Variants in RERE observed in about 807,000 individuals in gnomAD.
RERE encodes the protein arginine-glutamic acid dipeptide repeats protein.
Under a neutral mutation model 146.1 loss-of-function variants are expected in RERE, and 40 were observed. That is an observed-to-expected ratio of 0.27 (90% confidence interval 0.21 to 0.36). The LOEUF is 0.36. Among genes scored for constraint, RERE ranks in the 10% least tolerant of loss-of-function variants. RERE has a pLI of 1.00. For missense variants in RERE, 1,933 were observed against 2,138.7 expected (o/e 0.90, Z 1.90); for synonymous variants, 1,003 against 866.0 (o/e 1.16, Z -2.78).
intron 4 of RERE, among the ~76,000 whole-genome samples, chr1:8,594,467 G>A (rs1377094241): frequency 6.6e-6 from 1 of 152,176 alleles, no homozygotes; most frequent in African/African-American, 2.4e-5. Context: ...CAGTGAGAAT[G>A]TACTGCATTT....
chr1:8,472,339 AC>A (rs1644700137), intron 10 of RERE, among the ~76,000 whole-genome samples: 1 of 152,232 alleles, frequency 6.6e-6, no homozygotes, highest in Non-Finnish European at 1.5e-5. Context: ...CAAATTCTAA[AC>A]ACCTGATCAC....
At chr1:8,691,892 G>C (rs1302846798) in intron 1 of RERE, among the ~76,000 whole-genome samples, 6 of 152,202 alleles carry the variant, frequency 3.9e-5, no homozygotes, top group African/African-American at 1.4e-4. Flanking sequence ...CCTCTAAGAA[G>C]TGCACAGTAC....
rs538675496 is a variant in RERE, at chr1:8,455,102, G to A, written c.1203+10823C>T. On this transcript the variant is annotated intron_variant, in intron 11 of 22. Coordinates refer to ENST00000400908, the MANE Select transcript of RERE (RefSeq NM_001042681.2). The stretch of plus-strand genomic sequence containing the variant: ...CCCCAGAGAGCTCAGGTGCCAGGAC[G>A]TCAGCAGCCCTCAGACAGCAGAGCC... Among the ~76,000 whole-genome samples the A allele has an allele frequency of 5.3e-5, 8 of 152,278 alleles. No homozygotes were observed. In the East Asian group the frequency reaches 5.8e-4, roughly 11 times the overall value.
In RERE at chr1:8,495,100, G is replaced by A. The variant is rs201459035; in HGVS notation, c.1067C>T (p.Ala356Val). The A allele has an allele frequency of 6.2e-7, 1 of 1,613,880 alleles. No individual in the cohort carries two copies. Among genetic ancestry groups the A allele is most frequent in the Non-Finnish European group, 8.5e-7 (1 of 1,179,818 alleles). The stretch of plus-strand genomic sequence containing the variant: ...ATTCAGAGTGGTGTCATCCCGAGAG[G>A]CTGCGACACAGCCGTCCTCTGTAGA... ...GGSTEDGCVAASRDDTTLNAL... is the reference protein window; with the variant it reads ...GGSTEDGCVAVSRDDTTLNAL... Residue 356 changes from alanine (A) to valine (V), a missense_variant, in exon 10 of 23, where the codon GCC (alanine) becomes GTC (valine). Physicochemically the swap from Ala to Val is moderately conservative, Grantham distance 64 (BLOSUM62 0). Around this residue, in one of 11 missense-constraint regions of RERE, gnomAD observed 260 missense variants for 378.4 expected, o/e 0.69. Coordinates refer to ENST00000400908, the MANE Select transcript of RERE (RefSeq NM_001042681.2).
chr1:8,597,605 CCT>C (rs1646570656), intron 4 of RERE, among the ~76,000 whole-genome samples: 1 of 152,136 alleles, frequency 6.6e-6, no homozygotes, highest in East Asian at 1.9e-4. Flanking sequence ...CTAAGAACCC[CCT>C]GTCCTGTGTT....
chr1:8,353,549 G>T lies in RERE; in HGVS notation c.*1538C>A, dbSNP rs1319836227. 6.6e-6 allele frequency: 1 copy of T among 152,292 alleles called. No individual in the cohort carries two copies. The highest frequency in any genetic ancestry group is 2.4e-5 in the African/African-American group (1 of 41,412). 9.4% of individuals were successfully genotyped at this position (152,292 alleles called of 1,614,324 possible). On this transcript the variant is annotated 3_prime_UTR_variant, in exon 23 of 23. Coordinates refer to ENST00000400908, the MANE Select transcript of RERE (RefSeq NM_001042681.2). The stretch of plus-strand genomic sequence containing the variant: ...AGAGGCCACGTCCTGGCAGGAAGCA[G>T]GGCCGACAGAGGGCAGACACCCCAG...
At chr1:8,452,171 A>G (rs1277287495) in intron 11 of RERE, among the ~76,000 whole-genome samples, 1 of 152,138 alleles carries the variant, frequency 6.6e-6, no homozygotes, top group African/African-American at 2.4e-5. Context: ...CCTCCTCTAC[A>G]GCACCCTTCC....
intron 1 of RERE, among the ~76,000 whole-genome samples, chr1:8,789,966 T>C (rs1185742862): frequency 1.3e-5 from 2 of 152,222 alleles, no homozygotes; most frequent in Admixed American, 1.3e-4. Context: ...TCCGCTTTTG[T>C]TCTAGAAATC....
chr1:8,634,665 A>G (rs996606283), intron 2 of RERE, among the ~76,000 whole-genome samples: 1 of 152,150 alleles, frequency 6.6e-6, no homozygotes, highest in Non-Finnish European at 1.5e-5. Flanking sequence ...TGTTGTTTTC[A>G]TTCGGGTTTT....
chr1:8,379,865 C>T (rs1009131455), intron 12 of RERE, among the ~76,000 whole-genome samples: 1 of 152,226 alleles, frequency 6.6e-6, no homozygotes, highest in Admixed American at 6.5e-5. Context: ...CTCTGCAACA[C>T]GCTGTGTAGT....
intron 7 of RERE, among the ~76,000 whole-genome samples, chr1:8,530,886 T>C (rs1466614538): frequency 5.3e-5 from 8 of 149,846 alleles, no homozygotes; most frequent in Non-Finnish European, 1.0e-4. Flanking sequence ...AGAGACGGGG[T>C]TTCACCTTGT....
rs775196661 is a variant in RERE, at chr1:8,355,470, C to T, written c.4616G>A (p.Gly1539Glu). 1 of 1,612,922 alleles carries T rather than the reference C, an allele frequency of 6.2e-7. No homozygotes were observed. Among genetic ancestry groups the T allele is most frequent in the Non-Finnish European group, 8.5e-7 (1 of 1,179,972 alleles). The change falls in exon 22 of 23, where the codon GGA becomes GAA. Residue 1539 changes from glycine (G) to glutamate (E), a missense_variant. Gly to Glu is a moderately conservative substitution (Grantham distance 98). Coordinates refer to ENST00000400908, the MANE Select transcript of RERE (RefSeq NM_001042681.2). ...GTGGCCACCATGCATGTGGGGGTGT[C>T]CATGCAGCCACTGCTGCTCCATGGC... Reference protein sequence around the residue: ...RLAMEQQWLHGHPHMHGGHLP... With the variant: ...RLAMEQQWLHEHPHMHGGHLP...
At chr1:8,708,905 GTT>G (rs35403792) in intron 1 of RERE, among the ~76,000 whole-genome samples, 11,178 of 69,918 alleles carry the variant, frequency 0.16, 88 homozygotes, top group Middle Eastern at 0.17. Context: ...AAACTCTGGA[GTT>G]TTTTTTTTTT....
At chr1:8,517,606 G>GA (rs1344133559) in intron 7 of RERE, among the ~76,000 whole-genome samples, 3 of 152,006 alleles carry the variant, frequency 2.0e-5, no homozygotes, top group Admixed American at 2.0e-4. Context: ...TTTAGAATAT[G>GA]AAAAAAATAG....
At chr1:8,407,001 A>G (rs2124450508) in intron 12 of RERE, among the ~76,000 whole-genome samples, 1 of 152,350 alleles carries the variant, frequency 6.6e-6, no homozygotes, top group African/African-American at 2.4e-5. Flanking sequence ...AAGATCAAGA[A>G]TAACTCTGGT....
chr1:8,791,121 C>G (rs1217129002), intron 1 of RERE, among the ~76,000 whole-genome samples: 1 of 152,144 alleles, frequency 6.6e-6, no homozygotes, highest in Admixed American at 6.5e-5. Flanking sequence ...ACTCTCTACT[C>G]CCTAGGAACT....
At position 8,714,543 on chromosome 1, in the gene RERE, T is replaced by C. The variant is rs370616648; in HGVS notation, c.-144-58102A>G. On this transcript the variant is annotated intron_variant, in intron 1 of 22. Transcript: ENST00000400908. ...ACAGCCTCAAAACATTTACTTCCCA[T>C]GTACCCTTCTCAGGAAAATACTTCA... 4.6e-5 allele frequency among the ~76,000 whole-genome samples: 7 copies of C among 152,276 alleles called. No homozygotes were observed. In the South Asian group the frequency reaches 6.2e-4, roughly 14 times the overall value.
intron 4 of RERE, among the ~76,000 whole-genome samples, chr1:8,613,552 A>T (rs1646816449): frequency 6.6e-6 from 1 of 152,214 alleles, no homozygotes; most frequent in South Asian, 2.1e-4. Context: ...GCCCATCTGG[A>T]GCACTTTCTT....
intron 2 of RERE, among the ~76,000 whole-genome samples, chr1:8,653,568 G>A (rs1647749403): frequency 2.0e-5 from 3 of 152,020 alleles, no homozygotes; most frequent in East Asian, 1.9e-4. Context: ...AGTGGTGGGC[G>A]CCTGTAGTCC....
Sources: gnomAD v4.1 joint callset for allele counts (sites outside exome capture counted in the v4.1 genomes callset) on GRCh38, gnomAD v4.1.1 for gene constraint, gnomAD v4.1.1 regional missense constraint, MANE v1.5 for transcripts, NCBI Gene and HGNC (gene_info 2026-07-23, HGNC 2026-07-21) for gene names.